Variants in ZNF609 observed in about 807,000 individuals in gnomAD.
ZNF609 encodes the protein zinc finger protein 609.
Under a neutral mutation model 109.5 loss-of-function variants are expected in ZNF609, and 11 were observed. The ratio of observed to expected loss-of-function variants is 0.10; its 90% CI spans 0.06 to 0.17. The LOEUF is 0.17. Among genes scored for constraint, ZNF609 ranks in the 10% least tolerant of loss-of-function variants. ZNF609 has a pLI of 1.00. For synonymous variants in ZNF609, 646 were observed against 662.0 expected, an observed-to-expected ratio of 0.98 and a Z score of 0.37; for missense variants, 1,559 against 1,772.4, an observed-to-expected ratio of 0.88 and a Z score of 2.16.
intron 3 of ZNF609, among the ~76,000 whole-genome samples, chr15:64,644,274 C>T (rs960901121): frequency 6.6e-6 from 1 of 151,980 alleles, no homozygotes; most frequent in African/African-American, 2.4e-5. Context: ...TGCTTTAAGC[C>T]AAATTCAAGA....
At chr15:64,495,293 G>A (rs1196116074) in intron 1 of ZNF609, among the ~76,000 whole-genome samples, 1 of 152,162 alleles carries the variant, frequency 6.6e-6, no homozygotes, top group African/African-American at 2.4e-5. Context: ...TCTGAATTGA[G>A]TTTTCAGCTT....
chr15:64,618,814 G>A (rs1202238422), intron 2 of ZNF609, among the ~76,000 whole-genome samples: 1 of 152,196 alleles, frequency 6.6e-6, no homozygotes, highest in Non-Finnish European at 1.5e-5. Flanking sequence ...TTCTGCCAAT[G>A]TGTTCCTCTA....
At chr15:64,616,811 G>GTTTT (rs1895805569) in intron 2 of ZNF609, among the ~76,000 whole-genome samples, 3 of 40,064 alleles carry the variant, frequency 7.5e-5, no homozygotes, top group Non-Finnish European at 9.5e-5. Context: ...GAGCCACCAT[G>GTTTT]CTTTTTTTTT....
intron 1 of ZNF609, among the ~76,000 whole-genome samples, chr15:64,478,418 T>A (rs1893202887): frequency 6.6e-6 from 1 of 152,058 alleles, no homozygotes; most frequent in African/African-American, 2.4e-5. Context: ...TTGCCCAGGC[T>A]GTGGTGCATT....
chr15:64,633,896 A>T (rs1342089420), intron 3 of ZNF609, among the ~76,000 whole-genome samples: 1 of 151,788 alleles, frequency 6.6e-6, no homozygotes, highest in Non-Finnish European at 1.5e-5. Flanking sequence ...AAAAAAAATT[A>T]TTAAAAAAAA....
intron 3 of ZNF609, among the ~76,000 whole-genome samples, chr15:64,661,657 A>T (rs1328465708): frequency 1.3e-5 from 2 of 152,154 alleles, no homozygotes; most frequent in East Asian, 3.9e-4. Flanking sequence ...GTTGTCTCTT[A>T]TGCTGAGGGC....
chr15:64,600,965 C>T (rs1470694009), intron 2 of ZNF609, among the ~76,000 whole-genome samples: 1 of 151,988 alleles, frequency 6.6e-6, no homozygotes, highest in Non-Finnish European at 1.5e-5. Context: ...AAAATCAGAG[C>T]CATTTTATGA....
At chr15:64,485,456 T>A (rs568578660) in intron 1 of ZNF609, among the ~76,000 whole-genome samples, 35 of 152,348 alleles carry the variant, frequency 2.3e-4, no homozygotes, top group African/African-American at 8.2e-4. Flanking sequence ...GCATGTTTTT[T>A]AAATTACACT....
intron 1 of ZNF609, among the ~76,000 whole-genome samples, chr15:64,490,494 G>A (rs938777082): frequency 6.6e-6 from 1 of 151,866 alleles, no homozygotes; most frequent in Non-Finnish European, 1.5e-5. Flanking sequence ...GGCTGGTCTC[G>A]AACTCCCGAC....
chr15:64,640,438 ACT>A (rs1896237554), intron 3 of ZNF609, among the ~76,000 whole-genome samples: 1 of 151,264 alleles, frequency 6.6e-6, no homozygotes, highest in African/African-American at 2.4e-5. Flanking sequence ...GTTCAGCTCT[ACT>A]CTGTTAACAA....
intron 2 of ZNF609, among the ~76,000 whole-genome samples, chr15:64,555,558 T>C (rs1156724944): frequency 2.0e-5 from 3 of 150,954 alleles, no homozygotes; most frequent in Non-Finnish European, 2.9e-5. Flanking sequence ...TCCCAGTTAC[T>C]TGGGAGGCCG....
chr15:64,570,636 G>A (rs953982087), intron 2 of ZNF609, among the ~76,000 whole-genome samples: 4 of 152,166 alleles, frequency 2.6e-5, no homozygotes, highest in African/African-American at 9.7e-5. Context: ...TTCAAAAGGA[G>A]CATTGTGTTT....
At chr15:64,523,621 G>C (rs935239672) in intron 2 of ZNF609, among the ~76,000 whole-genome samples, 21 of 152,170 alleles carry the variant, frequency 1.4e-4, no homozygotes, top group African/African-American at 4.6e-4. Context: ...AAATTAGCCA[G>C]ATGTGGTGAT....
intron 1 of ZNF609, among the ~76,000 whole-genome samples, chr15:64,468,241 C>CTCCTTTCCTT (rs140952245): frequency 3.2e-4 from 48 of 149,558 alleles, no homozygotes; most frequent in African/African-American, 1.2e-3. Flanking sequence ...TCCTTCCTTC[C>CTCCTTTCCTT]TCCTTTCCTT....
chr15:64,487,193 C>T (rs994181017), intron 1 of ZNF609, among the ~76,000 whole-genome samples: 1 of 151,940 alleles, frequency 6.6e-6, no homozygotes, highest in African/African-American at 2.4e-5. Flanking sequence ...ATCTCATAGT[C>T]AAACATCAAG....
chr15:64,593,865 A>G (rs73451085), intron 2 of ZNF609, among the ~76,000 whole-genome samples: 5,015 of 152,278 alleles, frequency 0.033, 264 homozygotes, highest in African/African-American at 0.11. Context: ...ATTTCATAGT[A>G]TAATTGAGTG....
At chr15:64,488,914 AAAAGAAAGAAAG>A (rs3985670) in intron 1 of ZNF609, among the ~76,000 whole-genome samples, 1 of 27,232 alleles carries the variant, frequency 3.7e-5, no homozygotes. Context: ...TTCTACAAAA[AAAAGAAAGAAAG>A]AAAGAAAGAA....
intron 1 of ZNF609, among the ~76,000 whole-genome samples, chr15:64,497,430 T>C (rs1412953138): frequency 6.6e-6 from 1 of 152,138 alleles, no homozygotes; most frequent in African/African-American, 2.4e-5. Flanking sequence ...GTGACATCTT[T>C]TCTTGCCCCT....
chr15:64,579,468 C>T (rs1001149969), intron 2 of ZNF609, among the ~76,000 whole-genome samples: 5 of 150,746 alleles, frequency 3.3e-5, no homozygotes, highest in Admixed American at 1.3e-4. Context: ...ATCCCAGGTG[C>T]GGGAGGCCTA....
Sources: gnomAD v4.1 joint callset for allele counts (sites outside exome capture counted in the v4.1 genomes callset) on GRCh38, gnomAD v4.1.1 for gene constraint, MANE v1.5 for transcripts, NCBI Gene and HGNC (gene_info 2026-07-23, HGNC 2026-07-21) for gene names.